Variants in RNF25 observed in about 807,000 individuals in gnomAD.
The protein encoded by RNF25 is ring finger protein 25.
In RNF25, 32 loss-of-function variants were observed where a neutral mutation model predicts 65.0. That is an observed-to-expected ratio of 0.49 (90% CI 0.37 to 0.66). RNF25 has a LOEUF of 0.66. Among genes scored for constraint, RNF25 ranks in the 30% least tolerant of loss-of-function variants. RNF25 has a pLI of 0.00. For synonymous variants in RNF25, 207 were observed against 221.2 expected (o/e 0.94, Z 0.57); for missense variants, 493 against 584.8 (o/e 0.84, Z 1.62).
At position 218,666,258 on chromosome 2, in the gene RNF25, G is replaced by C. The variant is rs780661667; in HGVS notation, c.358-28C>G. 1.1e-5 allele frequency: 18 copies of C among 1,587,516 alleles called. No homozygotes were observed. In the East Asian group the frequency reaches 2.9e-4, roughly 26 times the overall value. The stretch of plus-strand genomic sequence containing the variant: ...GAGGAGAGAAGACACTGATTAAACG[G>C]GGGTAGGGGGAAGAACGGTGAGCAA... On this transcript the variant is annotated intron_variant, in intron 5 of 9. Transcript: ENST00000295704.
chr2:218,671,900 G>A (rs1295539521), intron 1 of RNF25, 30 bp downstream of exon 1: 1 of 1,613,948 alleles, frequency 6.2e-7, no homozygotes, highest in East Asian at 2.2e-5. Context: ...GATCCAGGCT[G>A]TCAGCCAAAG....
chr2:218,668,268 A>G lies in RNF25; in HGVS notation c.190T>C (p.Phe64Leu), dbSNP rs1575114835. 6.2e-7 allele frequency: 1 copy of G among 1,614,146 alleles called. No homozygotes were observed. The highest frequency in any genetic ancestry group is 8.5e-7 in the Non-Finnish European group (1 of 1,180,010). The change falls in exon 3 of 10, where the codon TTC becomes CTC. Residue 64 changes from phenylalanine (F) to leucine (L), a missense_variant. Transcript: ENST00000295704. The stretch of plus-strand genomic sequence containing the variant: ...GCTGGGACCTGAAGCACCAGAGTGA[A>G]GCAGACATACTGTGAATCCTGGTCC... ...AEDQDSQYVC[F>L]TLVLQVPAEY...
Position 218,665,239 on chromosome 2 carries a change from G to A in RNF25, c.582C>T (p.Val194=), listed in dbSNP as rs200142823. The A allele has an allele frequency of 2.7e-5, 44 of 1,612,960 alleles. No individual in the cohort carries two copies. Among genetic ancestry groups the A allele is most frequent in the South Asian group, 5.5e-5 (5 of 90,960 alleles). ...CTCTGCACACTGGACACTGCACACC[G>A]ACTGCCTTCTAAAAAAGAGAAAAAT... is the stretch of plus-strand genomic sequence containing the variant. ...RQHATTKQKA[V]GVQCPVCREP... The change falls in exon 8 of 10, where the codon GTC becomes GTT. Residue 194 remains valine, a synonymous_variant. Coordinates refer to ENST00000295704, the MANE Select transcript of RNF25 (RefSeq NM_022453.3).
chr2:218,664,768 G>C lies in RNF25; in HGVS notation c.772C>G (p.Arg258Gly). Residue 258 changes from arginine to glycine, a missense_variant, in exon 9 of 10, where the codon CGA (arginine) becomes GGA (glycine). Physicochemically the swap from Arg to Gly is moderately radical, Grantham distance 125. This residue lies in a region of RNF25 where 351 missense variants were observed against 400.2 expected (regional missense o/e 0.88). Coordinates refer to ENST00000295704, the MANE Select transcript of RNF25 (RefSeq NM_022453.3). This position sits in a 1 kb window ranked among gnomAD's most constrained non-coding sequence, Gnocchi z 5.1. Reference sequence around the variant, plus strand: ...TGAAGGCTGATGAAGTATCGGTTTCGCTCAGCCTCAAGGTCAATGATTCCC... The same window carrying C: ...TGAAGGCTGATGAAGTATCGGTTTCCCTCAGCCTCAAGGTCAATGATTCCC... ...RGGIIDLEAE[R>G]NRYFISLQQP... 6.2e-7 allele frequency: 1 copy of C among 1,614,218 alleles called. No homozygotes were observed. The highest frequency in any genetic ancestry group is 8.5e-7 in the Non-Finnish European group (1 of 1,180,040).
chr2:218,667,855 C>G (rs1939868342), intron 5 of RNF25, 57 bp downstream of exon 5: 2 of 1,534,316 alleles, frequency 1.3e-6, no homozygotes, highest in Non-Finnish European at 8.9e-7. Context: ...CCTTTTACAG[C>G]TAGAAACTGC....
At chr2:218,670,751 A>C (rs1939941416) in intron 1 of RNF25, among the ~76,000 whole-genome samples, 1 of 151,198 alleles carries the variant, frequency 6.6e-6, no homozygotes, top group Admixed American at 6.6e-5. Flanking sequence ...AGAATGTCCT[A>C]GTACAAAGAA....
chr2:218,669,982 G>A (rs1347400618), intron 1 of RNF25, among the ~76,000 whole-genome samples: 1 of 152,058 alleles, frequency 6.6e-6, no homozygotes, highest in Non-Finnish European at 1.5e-5. Context: ...GGAGGCTGAG[G>A]TGGGAGGATC....
In RNF25 at chr2:218,664,390, CAT is replaced by C; in HGVS notation, c.945_946del (p.Ile315MetfsTer2). ...TGACCTGGTCCCTGGAATCTTCTCA[CAT>C]ATGTGCTGGGTCGCCACAGGCAGAG... On this transcript the variant is annotated frameshift_variant, in exon 10 of 10. Transcript: ENST00000295704. LOFTEE classifies it high-confidence loss of function. This position sits in a 1 kb window ranked among gnomAD's most constrained non-coding sequence, Gnocchi z 5.1. 1 of 1,614,184 alleles carries C rather than the reference CAT, an allele frequency of 6.2e-7. No homozygotes were observed.
At position 218,668,244 on chromosome 2, in the gene RNF25, C is replaced by T. The variant is rs2106337002; in HGVS notation, c.214G>A (p.Ala72Thr). 6.2e-7 allele frequency: 1 copy of T among 1,614,030 alleles called. No individual in the cohort carries two copies. The highest frequency in any genetic ancestry group is 8.5e-7 in the Non-Finnish European group (1 of 1,179,866). The change falls in exon 3 of 10, where the codon GCA (alanine) becomes ACA (threonine). Residue 72 changes from alanine to threonine, a missense_variant. Physicochemically the swap from Ala to Thr is moderately conservative, Grantham distance 58. Around this residue, in one of 3 missense-constraint regions of RNF25, gnomAD observed 108 missense variants for 166.0 expected, o/e 0.65. Coordinates refer to ENST00000295704, the MANE Select transcript of RNF25 (RefSeq NM_022453.3). ...CCACACAGTAGGGGCTTCACCTCTG[C>T]TGGGACCTGAAGCACCAGAGTGAAG... ...VCFTLVLQVPAEYPHEVPQIS... is the reference protein window; with the variant it reads ...VCFTLVLQVPTEYPHEVPQIS...
Position 218,664,021 on chromosome 2 carries a change from T to C in RNF25, c.1316A>G (p.Gln439Arg), listed in dbSNP as rs1939754393. Reference protein sequence around the residue: ...GSSYPRLPRGQGAYRPGTRRE... With the variant: ...GSSYPRLPRGRGAYRPGTRRE... ...CCGAGTACCAGGCCGGTATGCTCCC[T>C]GGCCCCGAGGCAGGCGAGGGTAGGA... Residue 439 changes from glutamine (Q) to arginine (R), a missense_variant, in exon 10 of 10, where the codon CAG (glutamine) becomes CGG (arginine). Transcript: ENST00000295704. The surrounding 1 kb of genome is among the most constrained non-coding windows in gnomAD (Gnocchi z 5.1). The C allele has an allele frequency of 2.0e-6, 3 of 1,492,348 alleles. No individual in the cohort carries two copies. Among genetic ancestry groups the C allele is most frequent in the Non-Finnish European group, 2.7e-6 (3 of 1,121,084 alleles). 92.4% of individuals were successfully genotyped at this position (1,492,348 alleles called of 1,614,324 possible). A position where few individuals can be genotyped will look rare whatever the true frequency, so the allele number is the denominator to read the frequency against.
In RNF25 at chr2:218,671,971, A is replaced by C; in HGVS notation, c.-1T>G. 6.2e-7 allele frequency: 1 copy of C among 1,614,158 alleles called. No individual in the cohort carries two copies. The highest frequency in any genetic ancestry group is 8.5e-7 in the Non-Finnish European group (1 of 1,180,028). On this transcript the variant is annotated 5_prime_UTR_variant, in exon 1 of 10. Transcript: ENST00000295704. Reference sequence around the variant, plus strand: ...CAGCTGCAGACGCAGACGCCGCCATATCTTCACCGGCCCGCAGCCGGAACC... The same window carrying C: ...CAGCTGCAGACGCAGACGCCGCCATCTCTTCACCGGCCCGCAGCCGGAACC...
chr2:218,665,158 G>A lies in RNF25; in HGVS notation c.663C>T (p.Pro221=), dbSNP rs2303564. ...GATTGGAAAAAAGTCTCCTTACCAT[G>A]GGCTGTTGGGGTTCAGGGGCTGCTT... The part of the protein sequence containing the change: ...SLKAAPEPQQ[P]MELYQPSAES... The change falls in exon 8 of 10, where the codon CCC becomes CCT. Residue 221 remains proline (P), a synonymous_variant. Coordinates refer to ENST00000295704, the MANE Select transcript of RNF25 (RefSeq NM_022453.3). 0.039 allele frequency: 63,459 copies of A among 1,613,778 alleles called. 1,642 individuals are homozygous for A. Among genetic ancestry groups the A allele is most frequent in the East Asian group, 0.11 (5,085 of 44,874 alleles).
intron 1 of RNF25, among the ~76,000 whole-genome samples, chr2:218,669,073 A>G (rs1457712482): frequency 6.6e-6 from 1 of 151,984 alleles, no homozygotes; most frequent in East Asian, 1.9e-4. Context: ...TATTACTCCA[A>G]CCTTTCCCTA....
At chr2:218,665,341 T>C in intron 7 of RNF25, 94 bp from the exon 8 acceptor site, 1 of 1,079,138 alleles carries the variant, frequency 9.3e-7, no homozygotes, top group Admixed American at 2.3e-5. Flanking sequence ...GGGCTGGGAC[T>C]AAAGGGCACA....
Position 218,666,059 on chromosome 2 carries a change from C to A in RNF25, c.430G>T (p.Glu144Ter), listed in dbSNP as rs893827632. 1 of 1,613,620 alleles carries A rather than the reference C, an allele frequency of 6.2e-7. No individual in the cohort carries two copies. Among genetic ancestry groups the A allele is most frequent in the South Asian group, 1.1e-5 (1 of 91,050 alleles). Reference protein sequence around the residue: ...QCVICLYGFQEKEAFTKTPCY... With the variant: ...QCVICLYGFQ ...GGTGTTTTGGTAAAGGCCTCCTTCT[C>A]CTAGAGGGAAGGCAGATGTAGGGCA... The change falls in exon 7 of 10, where the codon GAG becomes TAG. Residue 144 changes from glutamate (E) to a stop codon, truncating the protein, a stop_gained and splice_region_variant. Coordinates refer to ENST00000295704, the MANE Select transcript of RNF25 (RefSeq NM_022453.3). LOFTEE classifies it high-confidence loss of function.
chr2:218,668,177 A>G, intron 3 of RNF25, 31 bp from the exon 4 acceptor site: 2 of 1,613,516 alleles, frequency 1.2e-6, no homozygotes, highest in Non-Finnish European at 8.5e-7. Flanking sequence ...GTTACTGCTG[A>G]AGCGGTCCAC....
intron 1 of RNF25, among the ~76,000 whole-genome samples, chr2:218,671,584 A>C (rs1939974510): frequency 6.6e-6 from 1 of 152,142 alleles, no homozygotes; most frequent in Admixed American, 6.5e-5. Context: ...TGAGAGGAGA[A>C]AGGGAGATGG....
chr2:218,668,103 C>A lies in RNF25; in HGVS notation c.263G>T (p.Gly88Val). The A allele has an allele frequency of 6.2e-7, 1 of 1,613,798 alleles. No homozygotes were observed. Among genetic ancestry groups the A allele is most frequent in the Non-Finnish European group, 8.5e-7 (1 of 1,179,892 alleles). Residue 88 changes from glycine to valine, a missense_variant, in exon 4 of 10, where the codon GGA (glycine) becomes GTA (valine). This residue lies in a region of RNF25 where 108 missense variants were observed against 166.0 expected (regional missense o/e 0.65). Coordinates refer to ENST00000295704, the MANE Select transcript of RNF25 (RefSeq NM_022453.3). ...CGTGTGGATCTGTTCATCTGAAAGT[C>A]CTCGGGGATTTCGGATAGAGATCTG... ...VPQISIRNPR[G>V]LSDEQIHTIL...
At chr2:218,665,774 G>A (rs1175982686) in intron 7 of RNF25, 142 bp downstream of exon 7, 2 of 1,117,042 alleles carry the variant, frequency 1.8e-6, no homozygotes, top group Admixed American at 2.8e-5. Context: ...CCTTTATTCT[G>A]GACAGAGGTA....
Sources: gnomAD v4.1 joint callset for allele counts (sites outside exome capture counted in the v4.1 genomes callset) on GRCh38, gnomAD v4.1.1 for gene constraint, gnomAD v4.1.1 regional missense constraint, Gnocchi (gnomAD v3.1) non-coding constraint, MANE v1.5 for transcripts, NCBI Gene and HGNC (gene_info 2026-07-23, HGNC 2026-07-21) for gene names.